Variants in PRKN observed in about 807,000 individuals in gnomAD.
PRKN encodes the protein E3 ubiquitin-protein ligase parkin.
Under a neutral mutation model 59.5 loss-of-function variants are expected in PRKN, and 56 were observed. The observed-to-expected ratio is 0.94, with a 90% confidence interval of 0.76 to 1.18. The LOEUF (loss-of-function observed/expected upper bound fraction) is 1.18, where lower values mean the gene tolerates loss of function less well. Ranked by LOEUF, PRKN falls within the 50% of genes most tolerant of loss-of-function variation. The pLI, the probability that PRKN is intolerant of heterozygous loss-of-function variation, is 0.00. For synonymous variants in PRKN, 250 were observed against 222.1 expected (o/e 1.13, Z -1.12); for missense variants, 657 against 596.4 (o/e 1.10, Z -1.06).
In PRKN at chr6:161,548,147, G is replaced by A. The variant is rs112968981; in HGVS notation, c.1083+707C>T. On this transcript the variant is annotated intron_variant, in intron 9 of 11. Transcript: ENST00000366898. The surrounding 1 kb of genome is among the most constrained non-coding windows in gnomAD (Gnocchi z 4.2). ...ACTTTCTCACTTTTCCAGGCTGCAT[G>A]AAATTTAATATCAGGATTATTATCC... Among the ~76,000 whole-genome samples, 1,462 of 152,308 alleles carry A rather than the reference G, an allele frequency of 9.6e-3. 30 individuals carry two copies. The highest frequency in any genetic ancestry group is 0.034 in the African/African-American group (1,402 of 41,560).
At chr6:161,831,954 T>C (rs1423450142) in intron 6 of PRKN, among the ~76,000 whole-genome samples, 1 of 152,180 alleles carries the variant, frequency 6.6e-6, no homozygotes, top group Non-Finnish European at 1.5e-5. Context: ...CTCTTGGGAC[T>C]CCCTCAGGAA....
intron 7 of PRKN, among the ~76,000 whole-genome samples, chr6:161,640,513 C>T (rs1013584728): frequency 4.6e-5 from 7 of 152,194 alleles, no homozygotes; most frequent in East Asian, 1.9e-4. Flanking sequence ...CAAGAGACAA[C>T]GAGATATGGA....
At chr6:161,654,429 G>C (rs1784265388) in intron 7 of PRKN, among the ~76,000 whole-genome samples, 1 of 152,136 alleles carries the variant, frequency 6.6e-6, no homozygotes, top group African/African-American at 2.4e-5. Context: ...ACACAGCAAA[G>C]TCTCCAGCAG....
At chr6:162,431,339 C>T (rs893466392) in intron 2 of PRKN, among the ~76,000 whole-genome samples, 2 of 152,044 alleles carry the variant, frequency 1.3e-5, no homozygotes, top group Non-Finnish European at 2.9e-5. Flanking sequence ...AAGGAGGGGC[C>T]AATGTGATAC....
intron 5 of PRKN, among the ~76,000 whole-genome samples, chr6:162,009,007 C>A (rs1182286321): frequency 1.3e-5 from 2 of 151,926 alleles, no homozygotes; most frequent in Non-Finnish European, 2.9e-5. Context: ...GTAATCCCAG[C>A]ACTTTGGGAG....
chr6:162,171,455 T>G (rs1373776421), intron 4 of PRKN, among the ~76,000 whole-genome samples: 1 of 152,124 alleles, frequency 6.6e-6, no homozygotes, highest in Non-Finnish European at 1.5e-5. Context: ...CTAAGCAAGT[T>G]TCTTCACCGC....
chr6:162,484,020 T>TA (rs1792426368), intron 1 of PRKN, among the ~76,000 whole-genome samples: 1 of 152,158 alleles, frequency 6.6e-6, no homozygotes, highest in Non-Finnish European at 1.5e-5. Flanking sequence ...AAAAATATGC[T>TA]ATCATTTGAT....
intron 1 of PRKN, among the ~76,000 whole-genome samples, chr6:162,584,444 C>T (rs1366761442): frequency 2.0e-5 from 3 of 151,968 alleles, no homozygotes; most frequent in Admixed American, 6.6e-5. Flanking sequence ...TCCTGCCTTG[C>T]CCCTAAAAAG....
rs1288698396 is a variant in PRKN at position 162,012,649 on chromosome 6, T to C, written c.619-39232A>G. 5.3e-5 allele frequency among the ~76,000 whole-genome samples: 8 copies of C among 152,156 alleles called. No individual in the cohort carries two copies. The East Asian group carries it at 1.3e-3, about 26-fold the overall frequency. ...ATTGAGCAAATCTGATCCTTACTTG[T>C]AAATTGAACCAATTATATCTGTAAC... On this transcript the variant is annotated intron_variant, in intron 5 of 11. Coordinates refer to ENST00000366898, the MANE Select transcript of PRKN (RefSeq NM_004562.3).
At chr6:162,246,585 T>C (rs750611531) in intron 3 of PRKN, among the ~76,000 whole-genome samples, 8 of 152,140 alleles carry the variant, frequency 5.3e-5, no homozygotes, top group South Asian at 4.1e-4. Flanking sequence ...CACATACATA[T>C]GGTGAATCTT....
rs150553548 is a variant in PRKN at position 162,274,520 on chromosome 6, T to A, written c.172-11755A>T. Among the ~76,000 whole-genome samples the A allele has an allele frequency of 3.7e-3, 563 of 152,218 alleles. 2 individuals carry two copies. Among genetic ancestry groups the A allele is most frequent in the Non-Finnish European group, 5.9e-3 (399 of 68,014 alleles). On this transcript the variant is annotated intron_variant, in intron 2 of 11. Transcript: ENST00000366898. ...TTTTTTTATTAAGACATAACTAATA[T>A]ATTGTAGTTCTCCCTTTTAAAGTGT... is the stretch of plus-strand genomic sequence containing the variant.
In PRKN at chr6:161,471,981, C is replaced by A. The variant is rs1014557586; in HGVS notation, c.1083+76873G>T. On this transcript the variant is annotated intron_variant, in intron 9 of 11. Transcript: ENST00000366898. This position sits in a 1 kb window ranked among gnomAD's most constrained non-coding sequence, Gnocchi z 4.5. ...GAGACATTAAAAAAAAATACTGAAG[C>A]CTATGAAGAAGAAGTTCTCTCTCAT... is the stretch of plus-strand genomic sequence containing the variant. 6.6e-6 allele frequency among the ~76,000 whole-genome samples: 1 copy of A among 151,912 alleles called. No homozygotes were observed. The highest frequency in any genetic ancestry group is 1.9e-4 in the East Asian group (1 of 5,180).
At chr6:162,433,757 A>C (rs1024603550) in intron 2 of PRKN, among the ~76,000 whole-genome samples, 4 of 152,192 alleles carry the variant, frequency 2.6e-5, no homozygotes, top group Admixed American at 2.6e-4. Context: ...ATGGAATGCA[A>C]ACACACAGAC....
At chr6:161,709,052 A>C (rs1786632179) in intron 7 of PRKN, among the ~76,000 whole-genome samples, 1 of 152,216 alleles carries the variant, frequency 6.6e-6, no homozygotes, top group African/African-American at 2.4e-5. Context: ...ATTTCTACTT[A>C]ACTTTAAAGA....
Position 161,533,438 on chromosome 6 carries a change from G to A in PRKN, c.1083+15416C>T, listed in dbSNP as rs959492038. ...CAGGTACATGCTGGCAGTTGTGCCC[G>A]TAGGAATATACTACCTGGGACTAGC... On this transcript the variant is annotated intron_variant, in intron 9 of 11. Coordinates refer to ENST00000366898, the MANE Select transcript of PRKN (RefSeq NM_004562.3). This position sits in a 1 kb window ranked among gnomAD's most constrained non-coding sequence, Gnocchi z 4.1. Among the ~76,000 whole-genome samples, 11 of 152,224 alleles carry A rather than the reference G, an allele frequency of 7.2e-5. No individual in the cohort carries two copies. Among genetic ancestry groups the A allele is most frequent in the South Asian group, 4.1e-4 (2 of 4,830 alleles).
intron 9 of PRKN, among the ~76,000 whole-genome samples, chr6:161,392,229 AC>A (rs991402146): frequency 6.7e-6 from 1 of 149,172 alleles, no homozygotes; most frequent in African/African-American, 2.5e-5. Context: ...AACCACCAAT[AC>A]AAAAATTAGC....
chr6:161,620,319 C>T (rs1449295076), intron 7 of PRKN, among the ~76,000 whole-genome samples: 2 of 151,940 alleles, frequency 1.3e-5, no homozygotes, highest in African/African-American at 4.8e-5. Flanking sequence ...ATTATATTTC[C>T]ATTGGTCCTG....
intron 2 of PRKN, among the ~76,000 whole-genome samples, chr6:162,328,604 A>C (rs770572339): frequency 1.3e-5 from 2 of 152,228 alleles, no homozygotes; most frequent in African/African-American, 4.8e-5. Context: ...GTATCTTATA[A>C]GTGCTGAGCT....
chr6:162,680,973 A>G (rs920006909), intron 1 of PRKN, among the ~76,000 whole-genome samples: 3 of 152,182 alleles, frequency 2.0e-5, no homozygotes, highest in African/African-American at 7.2e-5. Flanking sequence ...TTTCAAGTAG[A>G]TAATATTTTA....
Sources: allele counts gnomAD v4.1 joint callset (sites outside exome capture counted in the v4.1 genomes callset), GRCh38; gene constraint gnomAD v4.1.1; non-coding constraint Gnocchi (gnomAD v3.1); transcripts MANE v1.5; gene names NCBI Gene and HGNC (gene_info 2026-07-23, HGNC 2026-07-21).